Variants in ARHGAP22 observed in about 807,000 individuals in gnomAD.
The protein encoded by ARHGAP22 is rho GTPase-activating protein 22.
A neutral mutation model predicts 59.1 loss-of-function variants in ARHGAP22; 48 were observed. That is an observed-to-expected ratio of 0.81 (90% CI 0.64 to 1.03). The LOEUF (loss-of-function observed/expected upper bound fraction) is 1.03, where lower values mean the gene tolerates loss of function less well. Ranked by LOEUF, ARHGAP22 falls within the 50% of genes least tolerant of loss-of-function variation. The pLI, the probability that ARHGAP22 is intolerant of heterozygous loss-of-function variation, is 0.00. For missense variants in ARHGAP22, 1,015 were observed against 958.7 expected, an observed-to-expected ratio of 1.06 and a Z score of -0.78; for synonymous variants, 445 against 416.4, an observed-to-expected ratio of 1.07 and a Z score of -0.84.
At chr10:48,569,678 A>G (rs2058276480) in intron 2 of ARHGAP22, among the ~76,000 whole-genome samples, 1 of 152,256 alleles carries the variant, frequency 6.6e-6, no homozygotes, top group Non-Finnish European at 1.5e-5. Flanking sequence ...ACTAATATCC[A>G]TGCTGACTTA....
intron 2 of ARHGAP22, among the ~76,000 whole-genome samples, chr10:48,581,746 C>T (rs2059134319): frequency 6.6e-6 from 1 of 152,182 alleles, no homozygotes; most frequent in African/African-American, 2.4e-5. Flanking sequence ...CTGTGAAACA[C>T]TTTTGGTTTT....
intron 2 of ARHGAP22, chr10:48,556,502 C>T (rs993322848): frequency 3.3e-5 from 5 of 152,212 alleles, no homozygotes; most frequent in African/African-American, 9.7e-5. Context: ...TATGGCTTCA[C>T]TACATATTTT....
At chr10:48,496,257 G>A (rs931830634) in intron 3 of ARHGAP22, among the ~76,000 whole-genome samples, 3 of 152,142 alleles carry the variant, frequency 2.0e-5, no homozygotes, top group Non-Finnish European at 4.4e-5. Flanking sequence ...CAGAGGCCTG[G>A]ACAGTGGGGC....
intron 3 of ARHGAP22, among the ~76,000 whole-genome samples, chr10:48,485,007 T>TTTAGGCCATATA: frequency 6.6e-6 from 1 of 152,258 alleles, no homozygotes. Flanking sequence ...ATATAGTCTC[T>TTTAGGCCATATA]GTCACAACTA....
chr10:48,576,571 A>G (rs562180406), intron 2 of ARHGAP22, among the ~76,000 whole-genome samples: 2 of 152,294 alleles, frequency 1.3e-5, no homozygotes, highest in Admixed American at 1.3e-4. Flanking sequence ...TCTTATTTGT[A>G]TGCTCAAAAT....
chr10:48,450,567 G>A lies in ARHGAP22; in HGVS notation c.1562C>T (p.Ser521Leu), dbSNP rs1299976791. The A allele has an allele frequency of 5.2e-6, 8 of 1,532,522 alleles. No homozygotes were observed. Among genetic ancestry groups the A allele is most frequent in the Non-Finnish European group, 7.0e-6 (8 of 1,140,694 alleles). The allele number at this position is 1,532,522 out of a possible 1,614,324, so 94.9% of individuals were successfully genotyped here. The change falls in exon 9 of 10, where the codon TCG becomes TTG. Residue 521 changes from serine to leucine, a missense_variant. Ser to Leu is a moderately radical substitution (Grantham distance 145). Coordinates refer to ENST00000249601, the MANE Select transcript of ARHGAP22 (RefSeq NM_021226.4). ...AWSGASSSESSVGGSLSSCTA... is the reference protein window; with the variant it reads ...AWSGASSSESLVGGSLSSCTA... ...GCAGCTGCTGAGTGAGCCCCCCACC[G>A]ACGACTCGCTGGACGAGGCCCCGGA...
chr10:48,625,062 C>T (rs904399662), intron 1 of ARHGAP22: 3 of 151,928 alleles, frequency 2.0e-5, no homozygotes, highest in Non-Finnish European at 2.9e-5. Context: ...GCCCAAGAGA[C>T]CTGAGTGTAA....
chr10:48,615,839 A>G (rs916644845), intron 1 of ARHGAP22, among the ~76,000 whole-genome samples: 2 of 152,184 alleles, frequency 1.3e-5, no homozygotes, highest in African/African-American at 4.8e-5. Context: ...TTGGGAAAGT[A>G]CAATAACTGA....
intron 3 of ARHGAP22, among the ~76,000 whole-genome samples, chr10:48,541,040 T>A (rs1273220434): frequency 6.6e-6 from 1 of 152,044 alleles, no homozygotes. Context: ...CAGATTCTGT[T>A]TGAGGTGGCA....
intron 2 of ARHGAP22, chr10:48,582,607 T>G (rs2059184894): frequency 3.2e-6 from 1 of 313,118 alleles, no homozygotes; most frequent in African/African-American, 2.2e-5. Flanking sequence ...CCCATTTTCC[T>G]GCAAGATACA....
At chr10:48,647,606 C>T (rs937597944) in intron 1 of ARHGAP22, among the ~76,000 whole-genome samples, 3 of 152,002 alleles carry the variant, frequency 2.0e-5, no homozygotes, top group African/African-American at 7.3e-5. Context: ...GATTGTATGA[C>T]GGTGGGAATG....
intron 1 of ARHGAP22, among the ~76,000 whole-genome samples, chr10:48,592,438 G>A (rs2059815937): frequency 6.6e-6 from 1 of 152,042 alleles, no homozygotes; most frequent in Non-Finnish European, 1.5e-5. Context: ...CCATTCTTTG[G>A]CCCTTTGGCT....
At position 48,590,368 on chromosome 10, in the gene ARHGAP22, C is replaced by T. The variant is rs1357582102; in HGVS notation, c.35-7216G>A. Among the ~76,000 whole-genome samples the T allele has an allele frequency of 2.0e-5, 3 of 151,998 alleles. No homozygotes were observed. In the East Asian group the frequency reaches 5.8e-4, roughly 29 times the overall value. ...TCCTGGGAGGTGACAGGATGTGGAG[C>T]CTGAGCTCAGGGGGTCAGAGGTTAG... On this transcript the variant is annotated intron_variant, in intron 1 of 9. Coordinates refer to ENST00000249601, the MANE Select transcript of ARHGAP22 (RefSeq NM_021226.4).
chr10:48,576,576 CA>C (rs1265414626), intron 2 of ARHGAP22, among the ~76,000 whole-genome samples: 1 of 152,150 alleles, frequency 6.6e-6, no homozygotes, highest in African/African-American at 2.4e-5. Flanking sequence ...TTTGTATGCT[CA>C]AAATCTCAAA....
At chr10:48,476,660 T>C (rs1362600658) in intron 4 of ARHGAP22, among the ~76,000 whole-genome samples, 2 of 152,230 alleles carry the variant, frequency 1.3e-5, no homozygotes, top group South Asian at 2.1e-4. Context: ...CCTGTTTTAA[T>C]GGTTGTGAGT....
chr10:48,589,421 C>A (rs1457941655), intron 1 of ARHGAP22, among the ~76,000 whole-genome samples: 2 of 152,132 alleles, frequency 1.3e-5, no homozygotes, highest in Non-Finnish European at 2.9e-5. Flanking sequence ...CATTATGAAT[C>A]CCAGGGCGTT....
intron 2 of ARHGAP22, among the ~76,000 whole-genome samples, chr10:48,560,067 C>T (rs7916108): frequency 6.6e-6 from 1 of 151,988 alleles, no homozygotes; most frequent in South Asian, 2.1e-4. Context: ...ACATGACAAA[C>T]ATTTAATTAA....
intron 2 of ARHGAP22, among the ~76,000 whole-genome samples, chr10:48,555,758 T>A (rs2057265044): frequency 6.6e-6 from 1 of 152,112 alleles, no homozygotes. Context: ...GTGGACACTG[T>A]AGTCTGCATA....
chr10:48,435,056 G>GCCT, the ARHGAP22 span: 1 of 1,214,556 alleles, frequency 8.2e-7, no homozygotes, highest in Admixed American at 2.1e-5. Flanking sequence ...GGGGTGGGAG[G>GCCT]GATGGGGAGT....
Sources: allele counts gnomAD v4.1 joint callset (sites outside exome capture counted in the v4.1 genomes callset), GRCh38; gene constraint gnomAD v4.1.1; transcripts MANE v1.5; gene names NCBI Gene and HGNC (gene_info 2026-07-23, HGNC 2026-07-21).